MACROD2: variants seen among roughly 807,000 people sequenced by gnomAD.
The protein encoded by MACROD2 is ADP-ribose glycohydrolase MACROD2.
In MACROD2, 36 loss-of-function variants were observed where a neutral mutation model predicts 70.4. The ratio of observed to expected loss-of-function variants is 0.51; its 90% CI spans 0.39 to 0.68. MACROD2 has a LOEUF of 0.68. Ranked by LOEUF, MACROD2 falls within the 30% of genes least tolerant of loss-of-function variation. The pLI is 0.00. For synonymous variants in MACROD2, 172 were observed against 178.8 expected, an observed-to-expected ratio of 0.96 and a Z score of 0.30; for missense variants, 496 against 538.4, an observed-to-expected ratio of 0.92 and a Z score of 0.78.
At chr20:15,602,507 C>T (rs569227778) in intron 8 of MACROD2, among the ~76,000 whole-genome samples, 14 of 152,318 alleles carry the variant, frequency 9.2e-5, no homozygotes, top group African/African-American at 3.4e-4. Context: ...CTGGAGAACC[C>T]AAACTTCAGT....
chr20:15,114,782 C>T (rs2075980374), intron 5 of MACROD2, among the ~76,000 whole-genome samples: 1 of 152,112 alleles, frequency 6.6e-6, no homozygotes, highest in Non-Finnish European at 1.5e-5. Context: ...TTTTATTTTG[C>T]CTTTTTACCT....
intron 3 of MACROD2, among the ~76,000 whole-genome samples, chr20:14,169,009 A>G (rs2081195385): frequency 6.6e-6 from 1 of 152,232 alleles, no homozygotes. Context: ...ATCCACCATG[A>G]TTAAGTGGGT....
chr20:14,155,573 A>G (rs1358897986), intron 3 of MACROD2, among the ~76,000 whole-genome samples: 3 of 152,154 alleles, frequency 2.0e-5, no homozygotes, highest in African/African-American at 7.2e-5. Context: ...ACCTAATTCA[A>G]CTTTAAGCCT....
At position 14,004,986 on chromosome 20, in the gene MACROD2, T is replaced by G. The variant is rs116485106; in HGVS notation, c.163+2582T>G. 7.0e-3 allele frequency among the ~76,000 whole-genome samples: 1,062 copies of G among 152,258 alleles called. 9 individuals are homozygous for G. The highest frequency in any genetic ancestry group is 0.024 in the African/African-American group (991 of 41,572). On this transcript the variant is annotated intron_variant, in intron 2 of 17. Transcript: ENST00000684519. Reference sequence around the variant, plus strand: ...ATAGTTCTTGAGCTATTGCTTTTAATTTTTTTCTTGCTTTGTTCAGATTTA... The same window carrying G: ...ATAGTTCTTGAGCTATTGCTTTTAAGTTTTTTCTTGCTTTGTTCAGATTTA...
chr20:15,568,333 A>C (rs1375572444), intron 8 of MACROD2, among the ~76,000 whole-genome samples: 1 of 152,148 alleles, frequency 6.6e-6, no homozygotes, highest in Non-Finnish European at 1.5e-5. Context: ...TTTCCTTTCT[A>C]GTTGATGCAT....
intron 4 of MACROD2, among the ~76,000 whole-genome samples, chr20:14,684,240 C>T (rs1356235455): frequency 6.6e-6 from 1 of 152,128 alleles, no homozygotes; most frequent in African/African-American, 2.4e-5. Context: ...CAGTCAGACA[C>T]CCTGCAGAAA....
intron 3 of MACROD2, among the ~76,000 whole-genome samples, chr20:14,107,174 A>G (rs1233573372): frequency 6.6e-6 from 1 of 152,232 alleles, no homozygotes; most frequent in Non-Finnish European, 1.5e-5. Flanking sequence ...TCAAAATTCT[A>G]TCAGAGAAAT....
chr20:15,403,855 T>C (rs2045962981), intron 6 of MACROD2, among the ~76,000 whole-genome samples: 1 of 152,220 alleles, frequency 6.6e-6, no homozygotes, highest in Non-Finnish European at 1.5e-5. Context: ...TGTAGAACTA[T>C]GTCTTCAACC....
At chr20:15,764,034 G>A (rs1221780551) in intron 8 of MACROD2, among the ~76,000 whole-genome samples, 1 of 152,294 alleles carries the variant, frequency 6.6e-6, no homozygotes, top group East Asian at 1.9e-4. Flanking sequence ...GAGGGTTGCA[G>A]GGTTTAGAAC....
intron 8 of MACROD2, among the ~76,000 whole-genome samples, chr20:15,853,460 G>A (rs186907120): frequency 2.0e-5 from 3 of 152,308 alleles, no homozygotes; most frequent in Non-Finnish European, 4.4e-5. Flanking sequence ...GATTATCTAG[G>A]TGGGCCTAAC....
chr20:15,867,406 C>T (rs536642946), intron 9 of MACROD2, among the ~76,000 whole-genome samples: 1 of 152,186 alleles, frequency 6.6e-6, no homozygotes, highest in South Asian at 2.1e-4. Flanking sequence ...TGGGGTAAAG[C>T]ACATTTGACT....
chr20:15,927,462 C>G (rs765063370), intron 10 of MACROD2, among the ~76,000 whole-genome samples: 1 of 152,194 alleles, frequency 6.6e-6, no homozygotes, highest in Non-Finnish European at 1.5e-5. Flanking sequence ...AGCTCTGCCA[C>G]GAACTGTGTG....
intron 8 of MACROD2, among the ~76,000 whole-genome samples, chr20:15,520,489 C>T (rs768665368): frequency 6.6e-6 from 1 of 152,066 alleles, no homozygotes; most frequent in East Asian, 1.9e-4. Context: ...GCGATGCCAG[C>T]GTGACATTGA....
chr20:15,471,206 C>T (rs965136025), intron 7 of MACROD2, among the ~76,000 whole-genome samples: 1 of 152,192 alleles, frequency 6.6e-6, no homozygotes, highest in Admixed American at 6.5e-5. Context: ...TTTCCCATCA[C>T]ACATGCTCTC....
intron 7 of MACROD2, among the ~76,000 whole-genome samples, chr20:15,499,007 C>T (rs1368208141): frequency 6.6e-6 from 1 of 152,140 alleles, no homozygotes; most frequent in Non-Finnish European, 1.5e-5. Context: ...TAAATATATA[C>T]ATTGATAAGG....
chr20:14,020,520 G>C (rs1436694484), intron 2 of MACROD2, among the ~76,000 whole-genome samples: 4 of 152,078 alleles, frequency 2.6e-5, no homozygotes, highest in African/African-American at 9.7e-5. Context: ...CCATTGTCTG[G>C]GCTTGTTTGT....
At chr20:14,204,857 T>G (rs889924621) in intron 3 of MACROD2, among the ~76,000 whole-genome samples, 1 of 152,212 alleles carries the variant, frequency 6.6e-6, no homozygotes, top group African/African-American at 2.4e-5. Context: ...CTTGAACCCT[T>G]ACCTCAATTA....
intron 7 of MACROD2, among the ~76,000 whole-genome samples, chr20:15,462,941 T>G (rs749390692): frequency 1.3e-5 from 2 of 152,228 alleles, no homozygotes; most frequent in Non-Finnish European, 2.9e-5. Flanking sequence ...CACTATTCTA[T>G]AGTAATAAAA....
At chr20:14,122,346 G>T (rs1354198872) in intron 3 of MACROD2, among the ~76,000 whole-genome samples, 1 of 152,164 alleles carries the variant, frequency 6.6e-6, no homozygotes, top group Non-Finnish European at 1.5e-5. Context: ...GATAAAGCAT[G>T]CATCCCTGGC....
Sources: allele counts gnomAD v4.1 joint callset (sites outside exome capture counted in the v4.1 genomes callset), GRCh38; gene constraint gnomAD v4.1.1; transcripts MANE v1.5; gene names NCBI Gene and HGNC (gene_info 2026-07-23, HGNC 2026-07-21).